The following UBE2V2 variants were observed in gnomAD, a reference collection of about 807,000 sequenced individuals.
UBE2V2 encodes the protein ubiquitin conjugating enzyme E2 V2, also known as ubiquitin-conjugating enzyme E2 variant 2.
Under a neutral mutation model 17.2 loss-of-function variants are expected in UBE2V2, and 9 were observed. The observed-to-expected ratio is 0.52, with a 90% confidence interval of 0.32 to 0.91. The LOEUF is 0.91. Among genes scored for constraint, UBE2V2 ranks in the 40% least tolerant of loss-of-function variants. The probability of loss-of-function intolerance (pLI) is 0.04; values close to 1 mark genes in which losing one functional copy is unlikely to be tolerated. For missense variants in UBE2V2, 133 were observed against 182.6 expected (o/e 0.73, Z 1.56); for synonymous variants, 61 against 57.5 (o/e 1.06, Z -0.28).
chr8:48,013,628 T>C (rs1263855515), intron 1 of UBE2V2, among the ~76,000 whole-genome samples: 4 of 152,132 alleles, frequency 2.6e-5, no homozygotes, highest in African/African-American at 9.7e-5. Flanking sequence ...CGTTTTACAT[T>C]TATCACTTAG....
chr8:48,036,954 C>T (rs544627802), intron 1 of UBE2V2, among the ~76,000 whole-genome samples: 6 of 151,950 alleles, frequency 3.9e-5, no homozygotes, highest in African/African-American at 1.2e-4. Context: ...CCAAGGTGGG[C>T]GGATCACAAG....
At chr8:48,001,845 T>C in the UBE2V2 span, among the ~76,000 whole-genome samples, 1 of 152,168 alleles carries the variant, frequency 6.6e-6, no homozygotes, top group Non-Finnish European at 1.5e-5. Flanking sequence ...ATCCCAGCAC[T>C]GTGGGAGTCC....
upstream of UBE2V2, chr8:48,008,408 A>G: frequency 1.3e-6 from 2 of 1,555,234 alleles, no homozygotes; most frequent in Non-Finnish European, 1.7e-6. Flanking sequence ...GTGACGCGCG[A>G]CGGTTCGTGC....
At chr8:48,007,508 C>G (rs1388077011), upstream of UBE2V2, among the ~76,000 whole-genome samples, 1 of 147,824 alleles carries the variant, frequency 6.8e-6, no homozygotes, top group East Asian at 2.0e-4. Context: ...CTCCCATTCA[C>G]AATTGCTACA....
Position 48,061,985 on chromosome 8 carries a change from T to G in UBE2V2, c.*1157T>G, listed in dbSNP as rs909731059. On this transcript the variant is annotated 3_prime_UTR_variant, in exon 4 of 4. Transcript: ENST00000523111. ...TTTCTCTTCCAATTAGGGCTTTTAATACTAACAAGGATAACTTTATTCATT... is the reference window on the plus strand; with the variant it reads ...TTTCTCTTCCAATTAGGGCTTTTAAGACTAACAAGGATAACTTTATTCATT... 2 of 152,236 alleles carry G rather than the reference T, an allele frequency of 1.3e-5. No individual in the cohort carries two copies. The highest frequency in any genetic ancestry group is 1.5e-5 in the Non-Finnish European group (1 of 68,044). 9.4% of individuals were successfully genotyped at this position (152,236 alleles called of 1,614,324 possible).
rs372366060 is a variant in UBE2V2, at chr8:48,049,228, CAG to C, written c.166-624_166-623del. ...GAAGTGGCAACGTAAGTATAACTAA[CAG>C]GGGACATAAAATAATTATGTTTTAT... On this transcript the variant is annotated intron_variant, in intron 2 of 3. Coordinates refer to ENST00000523111, the MANE Select transcript of UBE2V2 (RefSeq NM_003350.3). 5.7e-3 allele frequency among the ~76,000 whole-genome samples: 873 copies of C among 152,194 alleles called. 11 individuals are homozygous for C. The highest frequency in any genetic ancestry group is 0.02 in the African/African-American group (828 of 41,520).
chr8:48,015,281 G>C lies in UBE2V2; in HGVS notation c.16+6811G>C, dbSNP rs2091261415. On this transcript the variant is annotated intron_variant, in intron 1 of 3. Transcript: ENST00000523111. ...CAGTCCCAGCTACTTGGGAGGCTGA[G>C]GTAGAGTATGGGTTGAGCCTGGGAG... 2.0e-5 allele frequency among the ~76,000 whole-genome samples: 3 copies of C among 152,046 alleles called. No homozygotes were observed. The South Asian group carries it at 6.2e-4, about 31-fold the overall frequency.
the UBE2V2 span, among the ~76,000 whole-genome samples, chr8:47,998,182 C>T: frequency 6.6e-6 from 1 of 151,960 alleles, no homozygotes; most frequent in East Asian, 1.9e-4. Flanking sequence ...CGCGGTATTA[C>T]AGTAAAAGAT....
chr8:48,060,625 T>C, intron 3 of UBE2V2, 57 bp from the exon 4 acceptor site: 1 of 1,334,280 alleles, frequency 7.5e-7, no homozygotes, highest in Middle Eastern at 2.0e-4. Context: ...GCTTAACAAA[T>C]TGGTGCCATA....
chr8:48,060,858 C>T lies in UBE2V2; in HGVS notation c.*30C>T, dbSNP rs1802582581. On this transcript the variant is annotated 3_prime_UTR_variant, in exon 4 of 4. Transcript: ENST00000523111. ...AGTGGATCTCAAACTTGTCTTAAAT[C>T]AACAACCTTCTACTCATGTTAATGT... is the stretch of plus-strand genomic sequence containing the variant. The T allele has an allele frequency of 4.1e-6, 6 of 1,477,106 alleles. No individual in the cohort carries two copies. The highest frequency in any genetic ancestry group is 5.4e-6 in the Non-Finnish European group (6 of 1,111,960). The allele number at this position is 1,477,106 out of a possible 1,614,324, so 91.5% of individuals were successfully genotyped here.
chr8:48,009,007 T>C (rs1589846665), intron 1 of UBE2V2, among the ~76,000 whole-genome samples: 1 of 152,272 alleles, frequency 6.6e-6, no homozygotes, highest in African/African-American at 2.4e-5. Context: ...GTGATCTTTT[T>C]ATTATTTATG....
chr8:48,013,202 T>C (rs951669976), intron 1 of UBE2V2, among the ~76,000 whole-genome samples: 4 of 152,178 alleles, frequency 2.6e-5, no homozygotes, highest in African/African-American at 9.7e-5. Flanking sequence ...GAACCAATAT[T>C]GACACATTTA....
intron 1 of UBE2V2, among the ~76,000 whole-genome samples, chr8:48,016,870 T>C (rs2091272559): frequency 7.2e-6 from 1 of 138,132 alleles, no homozygotes; most frequent in African/African-American, 2.7e-5. Context: ...GACTGCAACC[T>C]CCACCTCCAG....
chr8:48,011,230 C>T (rs1426529250), intron 1 of UBE2V2, among the ~76,000 whole-genome samples: 5 of 151,964 alleles, frequency 3.3e-5, no homozygotes, highest in Non-Finnish European at 5.9e-5. Context: ...TGCAATGGTG[C>T]GATCTCGGCT....
At chr8:48,015,050 CAA>C (rs1173137634) in intron 1 of UBE2V2, among the ~76,000 whole-genome samples, 26 of 63,742 alleles carry the variant, frequency 4.1e-4, no homozygotes, top group Admixed American at 7.5e-4. Flanking sequence ...ACTCCATCTC[CAA>C]AAAAAAAAAA....
intron 3 of UBE2V2, among the ~76,000 whole-genome samples, chr8:48,055,393 G>A (rs2091565174): frequency 4.0e-5 from 6 of 151,714 alleles, no homozygotes; most frequent in Admixed American, 3.9e-4. Context: ...TAGAGACGGG[G>A]TTTCACTATG....
At chr8:48,001,400 G>A in the UBE2V2 span, among the ~76,000 whole-genome samples, 1 of 152,126 alleles carries the variant, frequency 6.6e-6, no homozygotes, top group African/African-American at 2.4e-5. Context: ...AAGAGTTTGA[G>A]GTGAGCCTGG....
the UBE2V2 span, among the ~76,000 whole-genome samples, chr8:47,999,728 A>G: frequency 6.6e-6 from 1 of 152,198 alleles, no homozygotes. Context: ...ATAAGTAAGT[A>G]TGTAGCAGGA....
At chr8:48,009,970 G>A (rs2091216126) in intron 1 of UBE2V2, among the ~76,000 whole-genome samples, 1 of 152,078 alleles carries the variant, frequency 6.6e-6, no homozygotes, top group Non-Finnish European at 1.5e-5. Context: ...GTTGTGCTTA[G>A]GACCTCTTAT....
Sources: allele counts gnomAD v4.1 joint callset (sites outside exome capture counted in the v4.1 genomes callset), GRCh38; gene constraint gnomAD v4.1.1; transcripts MANE v1.5; gene names NCBI Gene and HGNC (gene_info 2026-07-23, HGNC 2026-07-21).